The following DNAH1 variants were observed in gnomAD, a reference collection of about 807,000 sequenced individuals.
The protein encoded by DNAH1 is dynein axonemal heavy chain 1.
A neutral mutation model predicts 484.3 loss-of-function variants in DNAH1; 327 were observed. The ratio of observed to expected loss-of-function variants is 0.68; its 90% CI spans 0.62 to 0.74. DNAH1 has a LOEUF of 0.74. Ranked by LOEUF, DNAH1 falls within the 30% of genes least tolerant of loss-of-function variation. The pLI is 0.00. For missense variants in DNAH1, 5,052 were observed against 5,546.8 expected (o/e 0.91, Z 2.83); for synonymous variants, 2,192 against 2,191.9 (o/e 1.00, Z 0.00).
Position 52,351,970 on chromosome 3 carries a change from C to G in DNAH1, c.2738C>G (p.Ala913Gly). The G allele has an allele frequency of 6.2e-7, 1 of 1,601,702 alleles. No homozygotes were observed. Among genetic ancestry groups the G allele is most frequent in the Non-Finnish European group, 8.5e-7 (1 of 1,174,470 alleles). Residue 913 changes from alanine (A) to glycine (G), a missense_variant, in exon 17 of 78, where the codon GCC becomes GGC. This residue lies in a region of DNAH1 where 1,263 missense variants were observed against 1,218.8 expected (regional missense o/e 1.04). Coordinates refer to ENST00000420323, the MANE Select transcript of DNAH1 (RefSeq NM_015512.5). The part of the protein sequence containing the change: ...SSDDFNDKWI[A>G]SNWPSKILGQ... ...ACCCCCATCCCGGCCAGATGGATTG[C>G]CAGCAACTGGCCTTCTAAGATCCTT...
At chr3:52,365,473 C>T (rs768717736) in intron 34 of DNAH1, among the ~76,000 whole-genome samples, 3 of 152,226 alleles carry the variant, frequency 2.0e-5, no homozygotes, top group African/African-American at 4.8e-5. Context: ...GGCGTCACTG[C>T]GCTAAAGAAA....
rs555969561 is a variant in DNAH1 at position 52,384,833 on chromosome 3, C to T, written c.8370C>T (p.Ile2790=). The change falls in exon 53 of 78, where the codon ATC becomes ATT. Residue 2790 remains isoleucine, a synonymous_variant. Transcript: ENST00000420323. ...YIHQSVSKKC[I]EYLAELTRHN... is the part of the protein sequence containing the mutation. ...ACCAGTCGGTGTCCAAGAAGTGCATCGAGTACCTGGCAGAGCTGACCCGCC... is the reference window on the plus strand; with the variant it reads ...ACCAGTCGGTGTCCAAGAAGTGCATTGAGTACCTGGCAGAGCTGACCCGCC... The T allele has an allele frequency of 1.2e-5, 20 of 1,604,432 alleles. No individual in the cohort carries two copies. The highest frequency in any genetic ancestry group is 2.3e-5 in the East Asian group (1 of 44,368).
Position 52,366,823 on chromosome 3 carries a change from C to T in DNAH1, c.5701C>T (p.Leu1901Phe). 1 of 1,613,952 alleles carries T rather than the reference C, an allele frequency of 6.2e-7. No individual in the cohort carries two copies. The highest frequency in any genetic ancestry group is 8.5e-7 in the Non-Finnish European group (1 of 1,179,866). The change falls in exon 36 of 78, where the codon CTC becomes TTC. Residue 1901 changes from leucine (L) to phenylalanine (F), a missense_variant. By Grantham distance (22) the Leu-to-Phe change is conservative. Around this residue, in one of 4 missense-constraint regions of DNAH1, gnomAD observed 2,929 missense variants for 3,409.4 expected, o/e 0.86. Coordinates refer to ENST00000420323, the MANE Select transcript of DNAH1 (RefSeq NM_015512.5). The part of the protein sequence containing the change: ...GMYEAVNYYV[L>F]NPKSITMGQL... ...GTACGAGGCTGTCAACTACTACGTG[C>T]TCAACCCCAAGTCCATCACGATGGG...
Position 52,322,553 on chromosome 3 carries a change from C to T in DNAH1, c.111C>T (p.Asn37=). Residue 37 remains asparagine, a synonymous_variant, in exon 2 of 78, where the codon AAC becomes AAT. Coordinates refer to ENST00000420323, the MANE Select transcript of DNAH1 (RefSeq NM_015512.5). ...QVGTHRGLEY[N]PGKILPGSDY... is the part of the protein sequence containing the mutation. ...GGACCCACAGGGGCCTAGAGTATAA[C>T]CCGGGGAAGATTCTTCCAGGATCAG... 1 of 1,613,890 alleles carries T rather than the reference C, an allele frequency of 6.2e-7. No homozygotes were observed. Among genetic ancestry groups the T allele is most frequent in the Non-Finnish European group, 8.5e-7 (1 of 1,179,852 alleles).
In DNAH1 at chr3:52,389,464, C is replaced by T. The variant is rs1305581832; in HGVS notation, c.9499C>T (p.Gln3167Ter). 18 of 1,611,144 alleles carry T rather than the reference C, an allele frequency of 1.1e-5. No homozygotes were observed. Among genetic ancestry groups the T allele is most frequent in the Non-Finnish European group, 1.4e-5 (17 of 1,178,878 alleles). The stretch of plus-strand genomic sequence containing the variant: ...CCTGAGTCTGGCATCTCCCCAGGGC[C>T]AGTACCGCACGGTGCTCTACGACAG... Reference protein sequence around the residue: ...FVAYLGPFTGQYRTVLYDSWV... With the variant: ...FVAYLGPFTG Residue 3167 changes from glutamine to a stop codon, truncating the protein, a stop_gained, in exon 60 of 78, where the codon CAG becomes TAG. Transcript: ENST00000420323. LOFTEE classifies it high-confidence loss of function.
chr3:52,398,767 A>C, intron 75 of DNAH1, 83 bp from the exon 76 acceptor site: 1 of 1,233,982 alleles, frequency 8.1e-7, no homozygotes, highest in Middle Eastern at 2.0e-4. Context: ...ATTGTTTTTC[A>C]CTCTGTGGCC....
chr3:52,332,946 G>A (rs1323541645), intron 8 of DNAH1, among the ~76,000 whole-genome samples: 1 of 151,890 alleles, frequency 6.6e-6, no homozygotes, highest in Non-Finnish European at 1.5e-5. Context: ...GGAGTGCAGT[G>A]GGGCCATCTT....
upstream of DNAH1, among the ~76,000 whole-genome samples, chr3:52,314,200 C>T (rs1019722707): frequency 6.6e-6 from 1 of 152,244 alleles, no homozygotes; most frequent in African/African-American, 2.4e-5. Context: ...GAGGAAAAAT[C>T]AGAGGTGCTC....
At position 52,361,544 on chromosome 3, in the gene DNAH1, A is replaced by T; in HGVS notation, c.4875-117A>T. The T allele has an allele frequency of 7.8e-7, 1 of 1,281,280 alleles. No individual in the cohort carries two copies. Among genetic ancestry groups the T allele is most frequent in the Non-Finnish European group, 1.1e-6 (1 of 921,152 alleles). 79.4% of individuals were successfully genotyped at this position (1,281,280 alleles called of 1,614,324 possible). A position where few individuals can be genotyped will look rare whatever the true frequency, so the allele number is the denominator to read the frequency against. On this transcript the variant is annotated intron_variant, in intron 29 of 77. Coordinates refer to ENST00000420323, the MANE Select transcript of DNAH1 (RefSeq NM_015512.5). The surrounding 1 kb of genome is among the most constrained non-coding windows in gnomAD (Gnocchi z 5.6). ...TGGCAGTGGGTTGAAGACTGAGCTG[A>T]TGGAGATTGCCCCTGAGGGCTTCCT...
Position 52,357,913 on chromosome 3 carries a change from A to G in DNAH1, c.3996A>G (p.Ser1332=), listed in dbSNP as rs570681295. The G allele has an allele frequency of 3.7e-6, 6 of 1,612,974 alleles. No homozygotes were observed. The South Asian group carries it at 4.4e-5, about 12-fold the overall frequency. Residue 1332 remains serine (S), a synonymous_variant, in exon 24 of 78, where the codon TCA becomes TCG. Coordinates refer to ENST00000420323, the MANE Select transcript of DNAH1 (RefSeq NM_015512.5). The part of the protein sequence containing the change: ...RSAFPRFYFL[S]DDELLEILSQ... ...CCCCTGGCAGATTCTACTTCCTGTC[A>G]GATGATGAACTACTAGAGATCTTGT...
chr3:52,388,403 C>T lies in DNAH1; in HGVS notation c.9172-15C>T. ...GGGTACTTGGCGAGCTAATCCTGCG[C>T]CCTCCGCCCCACAGCAAGCCCTGCT... On this transcript the variant is annotated splice_polypyrimidine_tract_variant and intron_variant, in intron 57 of 77. Transcript: ENST00000420323. The T allele has an allele frequency of 6.2e-7, 1 of 1,606,902 alleles. No individual in the cohort carries two copies. The highest frequency in any genetic ancestry group is 8.5e-7 in the Non-Finnish European group (1 of 1,176,568).
At chr3:52,357,323 A>G in intron 22 of DNAH1, among the ~76,000 whole-genome samples, 1 of 152,032 alleles carries the variant, frequency 6.6e-6, no homozygotes, top group Non-Finnish European at 1.5e-5. Context: ...CAAAGTGCTG[A>G]GATTACAGAC....
At chr3:52,375,124 C>T in intron 44 of DNAH1, 116 bp from the exon 45 acceptor site, 2 of 1,205,408 alleles carry the variant, frequency 1.7e-6, no homozygotes, top group Non-Finnish European at 2.3e-6. Context: ...ATGTATTTGT[C>T]TTTATTCCAG....
intron 8 of DNAH1, 34 bp from the exon 9 acceptor site, chr3:52,344,456 C>G: frequency 6.2e-7 from 1 of 1,604,292 alleles, no homozygotes; most frequent in Non-Finnish European, 8.5e-7. Flanking sequence ...GGTGTGGAGC[C>G]CCTGATTCCC....
intron 8 of DNAH1, among the ~76,000 whole-genome samples, chr3:52,334,971 T>C (rs1701685682): frequency 6.6e-6 from 1 of 152,134 alleles, no homozygotes; most frequent in Admixed American, 6.5e-5. Context: ...GGCTAATTTT[T>C]TTGTATTTTT....
At chr3:52,317,463 A>G (rs1472112753) in intron 1 of DNAH1, among the ~76,000 whole-genome samples, 2 of 152,208 alleles carry the variant, frequency 1.3e-5, no homozygotes, top group Non-Finnish European at 2.9e-5. Flanking sequence ...TGCCCTGACC[A>G]GCTGTCCCGC....
At chr3:52,323,061 C>T (rs868550315) in intron 2 of DNAH1, among the ~76,000 whole-genome samples, 15 of 152,198 alleles carry the variant, frequency 9.9e-5, no homozygotes, top group Admixed American at 2.6e-4. Context: ...AGGGATGAGA[C>T]GCCCACGTCC....
intron 32 of DNAH1, among the ~76,000 whole-genome samples, chr3:52,363,693 A>T (rs2153224447): frequency 6.6e-6 from 1 of 152,324 alleles, no homozygotes; most frequent in Non-Finnish European, 1.5e-5. Context: ...CTGGGCTGAC[A>T]TGCTAGCAAC....
At chr3:52,373,098 T>G in intron 44 of DNAH1, 45 bp downstream of exon 44, 1 of 1,565,978 alleles carries the variant, frequency 6.4e-7, no homozygotes. Flanking sequence ...CTACGCGTGC[T>G]GTGCAGGGGC....
Sources: allele counts gnomAD v4.1 joint callset (sites outside exome capture counted in the v4.1 genomes callset), GRCh38; gene constraint gnomAD v4.1.1; regional missense constraint gnomAD v4.1.1; non-coding constraint Gnocchi (gnomAD v3.1); transcripts MANE v1.5; gene names NCBI Gene and HGNC (gene_info 2026-07-23, HGNC 2026-07-21).